TUT4: variants seen among roughly 807,000 people sequenced by gnomAD.
TUT4 encodes the protein terminal uridylyltransferase 4.
A neutral mutation model predicts 192.2 loss-of-function variants in TUT4; 36 were observed. That is an observed-to-expected ratio of 0.19 (90% confidence interval 0.14 to 0.25). The LOEUF (loss-of-function observed/expected upper bound fraction) is 0.25. TUT4 is among the 10% of genes least tolerant of loss of function. The pLI is 1.00. For missense variants in TUT4, 1,493 were observed against 1,957.2 expected, an observed-to-expected ratio of 0.76 and a Z score of 4.47; for synonymous variants, 618 against 666.0, an observed-to-expected ratio of 0.93 and a Z score of 1.11.
chr1:52,482,114 TA>T (rs1199691528), intron 9 of TUT4, among the ~76,000 whole-genome samples, 191 bp from the exon 10 acceptor site: 2 of 152,220 alleles, frequency 1.3e-5, no homozygotes, highest in Non-Finnish European at 2.9e-5. Flanking sequence ...TCATTCTTTT[TA>T]AAATTCATAC....
At chr1:52,505,248 A>G (rs573552715) in intron 4 of TUT4, among the ~76,000 whole-genome samples, 13 of 152,172 alleles carry the variant, frequency 8.5e-5, no homozygotes, top group South Asian at 4.2e-4. Flanking sequence ...AAGTATGATG[A>G]TAACTGTTAG....
chr1:52,531,643 A>C (rs1683447425), intron 1 of TUT4, among the ~76,000 whole-genome samples: 1 of 152,196 alleles, frequency 6.6e-6, no homozygotes, highest in South Asian at 2.1e-4. Flanking sequence ...CACTTTAAAA[A>C]TACATGAAAT....
chr1:52,431,153 A>T lies in TUT4; in HGVS notation c.4571T>A (p.Ile1524Asn). The T allele has an allele frequency of 6.2e-7, 1 of 1,614,230 alleles. No homozygotes were observed. Among genetic ancestry groups the T allele is most frequent in the South Asian group, 1.1e-5 (1 of 91,090 alleles). Residue 1524 changes from isoleucine to asparagine, a missense_variant, in exon 28 of 30, where the codon ATT (isoleucine) becomes AAT (asparagine). Ile to Asn is a moderately radical substitution (Grantham distance 149). This residue lies in a region of TUT4 where 351 missense variants were observed against 397.8 expected (regional missense o/e 0.88). Transcript: ENST00000257177. ...HSAPGSAPSN[I>N]GLNDPSIIFA... ...GATGATGCTGGGATCATTTAGGCCA[A>T]TATTGCTGGGGGCACTGCCTGGTGC... is the stretch of plus-strand genomic sequence containing the variant.
At chr1:52,494,105 G>A (rs1394447990) in intron 6 of TUT4, among the ~76,000 whole-genome samples, 2 of 151,650 alleles carry the variant, frequency 1.3e-5, no homozygotes. Flanking sequence ...ACCTGGCCAT[G>A]TTTTACTTTT....
intron 1 of TUT4, among the ~76,000 whole-genome samples, chr1:52,536,440 C>G (rs117584444): frequency 6.0e-4 from 92 of 152,178 alleles, no homozygotes; most frequent in East Asian, 5.8e-3. Context: ...CATAAAAAGG[C>G]AGCATTAGAG....
Position 52,461,209 on chromosome 1 carries a change from T to C in TUT4, c.3246A>G (p.Thr1082=). 6.2e-7 allele frequency: 1 copy of C among 1,605,960 alleles called. No individual in the cohort carries two copies. Among genetic ancestry groups the C allele is most frequent in the Non-Finnish European group, 8.5e-7 (1 of 1,176,402 alleles). Residue 1082 remains threonine, a synonymous_variant, in exon 19 of 30, where the codon ACA becomes ACG. Transcript: ENST00000257177. ...SLYNTLAQHN[T]RMLATYAAID... ...TAGCTGCATAAGTAGCTAGCATTCT[T>C]GTGTTATGTTGAGCCTGAAAAATAA... is the stretch of plus-strand genomic sequence containing the variant.
intron 1 of TUT4, among the ~76,000 whole-genome samples, chr1:52,536,630 A>T (rs552671035): frequency 6.6e-6 from 1 of 152,034 alleles, no homozygotes; most frequent in South Asian, 2.1e-4. Context: ...AGGTAGGTGG[A>T]TTACCTGAGA....
At chr1:52,460,139 G>C (rs1176034063) in intron 19 of TUT4, among the ~76,000 whole-genome samples, 1 of 152,128 alleles carries the variant, frequency 6.6e-6, no homozygotes, top group East Asian at 1.9e-4. Flanking sequence ...TGTAGTATGT[G>C]CCTCTATGCT....
rs778384183 is a variant in TUT4, at chr1:52,495,464, C to T, written c.1229G>A (p.Ser410Asn). 8 of 1,611,154 alleles carry T rather than the reference C, an allele frequency of 5.0e-6. No homozygotes were observed. Among genetic ancestry groups the T allele is most frequent in the African/African-American group, 1.3e-5 (1 of 74,746 alleles). Residue 410 changes from serine (S) to asparagine (N), a missense_variant, in exon 6 of 30, where the codon AGT becomes AAT. Ser to Asn is a conservative substitution (Grantham distance 46). Transcript: ENST00000257177. ...TTTTATATCTATATTAACATCACTA[C>T]TTTTCAGAGCAAATCTAGTCAGAGA... is the stretch of plus-strand genomic sequence containing the variant. ...GSSLTRFALK[S>N]SDVNIDIKFP...
intron 15 of TUT4, among the ~76,000 whole-genome samples, chr1:52,466,557 G>A (rs908620790): frequency 6.7e-6 from 1 of 150,300 alleles, no homozygotes; most frequent in African/African-American, 2.5e-5. Flanking sequence ...AGGATCGCTT[G>A]AGCCTCAGAG....
At chr1:52,547,891 C>G (rs1688491324) in intron 1 of TUT4, among the ~76,000 whole-genome samples, 1 of 152,092 alleles carries the variant, frequency 6.6e-6, no homozygotes. Context: ...AACTGGGTTT[C>G]ATTATGGGAT....
chr1:52,544,270 A>G (rs1027207118), intron 1 of TUT4, among the ~76,000 whole-genome samples: 2 of 151,002 alleles, frequency 1.3e-5, no homozygotes, highest in African/African-American at 4.9e-5. Context: ...CCTGGGCGAC[A>G]GAGTGAGACT....
At chr1:52,474,597 T>C (rs901062726) in intron 13 of TUT4, among the ~76,000 whole-genome samples, 1 of 152,296 alleles carries the variant, frequency 6.6e-6, no homozygotes, top group South Asian at 2.1e-4. Flanking sequence ...TCCTTTCATA[T>C]ATGAGAAAGT....
intron 1 of TUT4, among the ~76,000 whole-genome samples, chr1:52,531,065 A>T (rs1024918732): frequency 1.3e-5 from 2 of 152,178 alleles, no homozygotes; most frequent in Non-Finnish European, 2.9e-5. Context: ...GTTGAAACAA[A>T]TAAAAATAAT....
chr1:52,473,795 C>T (rs550992080), intron 13 of TUT4, among the ~76,000 whole-genome samples: 4 of 152,160 alleles, frequency 2.6e-5, no homozygotes, highest in Admixed American at 2.6e-4. Flanking sequence ...ATCTGGAATG[C>T]ACTTGAAGTA....
In TUT4 at chr1:52,515,969, T is replaced by C. The variant is rs767219195; in HGVS notation, c.804A>G (p.Ala268=). Residue 268 remains alanine, a synonymous_variant, in exon 3 of 30, where the codon GCA becomes GCG. Transcript: ENST00000257177. ...ACCCCAGCCTCTGCTCAGGTGTCAA[T>C]GCAGATTCATCTATCACAGTGGCAT... ...LENATVIDES[A]LTPEQRLGLK... is the part of the protein sequence containing the mutation. The C allele has an allele frequency of 1.3e-5, 21 of 1,613,572 alleles. No homozygotes were observed. The highest frequency in any genetic ancestry group is 3.3e-5 in the Admixed American group (2 of 59,934).
intron 27 of TUT4, chr1:52,432,424 T>C (rs911321820): frequency 6.6e-6 from 1 of 152,140 alleles, no homozygotes; most frequent in Admixed American, 6.5e-5. Context: ...TACTGGAGTA[T>C]ATATAATGGC....
intron 20 of TUT4, among the ~76,000 whole-genome samples, chr1:52,456,975 A>T (rs1225752885): frequency 1.3e-5 from 2 of 152,098 alleles, no homozygotes; most frequent in Non-Finnish European, 2.9e-5. Context: ...GGTATGTTGG[A>T]AACTCTTTAC....
chr1:52,494,922 A>T lies in TUT4; in HGVS notation c.1266+505T>A, dbSNP rs567724740. The stretch of plus-strand genomic sequence containing the variant: ...TGATAACAATATTAGAACAATATCA[A>T]TATTGTTCTAATGATTCTAGGTACT... On this transcript the variant is annotated intron_variant, in intron 6 of 29. Transcript: ENST00000257177. 8.5e-5 allele frequency among the ~76,000 whole-genome samples: 13 copies of T among 152,248 alleles called. No homozygotes were observed. The South Asian group carries it at 2.7e-3, about 32-fold the overall frequency.
Sources: gnomAD v4.1 joint callset for allele counts (sites outside exome capture counted in the v4.1 genomes callset) on GRCh38, gnomAD v4.1.1 for gene constraint, gnomAD v4.1.1 regional missense constraint, MANE v1.5 for transcripts, NCBI Gene and HGNC (gene_info 2026-07-23, HGNC 2026-07-21) for gene names.